DNAJC2: variants seen among roughly 807,000 people sequenced by gnomAD.
DNAJC2 encodes DnaJ heat shock protein family (Hsp40) member C2, also known as dnaJ homolog subfamily C member 2.
A neutral mutation model predicts 94.0 loss-of-function variants in DNAJC2; 32 were observed. That is an observed-to-expected ratio of 0.34 (90% confidence interval 0.26 to 0.46). DNAJC2 has a LOEUF of 0.46. DNAJC2 is among the 20% of genes least tolerant of loss of function. DNAJC2 has a pLI of 1.00. For synonymous variants in DNAJC2, 210 were observed against 229.7 expected (o/e 0.91, Z 0.77); for missense variants, 550 against 719.5 (o/e 0.76, Z 2.69).
At chr7:103,331,411 T>C (rs1262131738) in intron 3 of DNAJC2, among the ~76,000 whole-genome samples, 1 of 152,228 alleles carries the variant, frequency 6.6e-6, no homozygotes, top group Non-Finnish European at 1.5e-5. Context: ...AATACATCAT[T>C]GTTAACTATC....
At chr7:103,335,498 A>G (rs1269072348) in intron 3 of DNAJC2, 1 of 152,006 alleles carries the variant, frequency 6.6e-6, no homozygotes, top group African/African-American at 2.4e-5. Context: ...TGGCTAGAGA[A>G]TACATATTCA....
At chr7:103,314,044 C>G (rs1817908255) in intron 15 of DNAJC2, 1 of 985,176 alleles carries the variant, frequency 1.0e-6, no homozygotes, top group Non-Finnish European at 1.2e-6. Flanking sequence ...CAAAACAAAA[C>G]AAAACCACCA....
chr7:103,337,533 G>C lies in DNAJC2; in HGVS notation c.331+203C>G, dbSNP rs546195315. On this transcript the variant is annotated intron_variant, in intron 3 of 16. Transcript: ENST00000379263. ...CATCCTAATTTCTTATCCCTAATGG[G>C]AAAGTCTATATGTAAAATGGATTGC... 56 of 499,272 alleles carry C rather than the reference G, an allele frequency of 1.1e-4. 1 individual carries two copies. The South Asian group carries it at 1.6e-3, about 14-fold the overall frequency. The allele number at this position is 499,272 out of a possible 1,614,324, so 30.9% of individuals were successfully genotyped here. A position where few individuals can be genotyped will look rare whatever the true frequency, so the allele number is the denominator to read the frequency against.
At position 103,313,622 on chromosome 7, in the gene DNAJC2, G is replaced by C; in HGVS notation, c.1637-521C>G. On this transcript the variant is annotated intron_variant, in intron 15 of 16. Transcript: ENST00000379263. Reference sequence around the variant, plus strand: ...GTGCCCAAGGTACCAGTGCTGGAGAGGCAAGCTGAGATTAGATTGTGTTGT... The same window carrying C: ...GTGCCCAAGGTACCAGTGCTGGAGACGCAAGCTGAGATTAGATTGTGTTGT... 4 of 985,260 alleles carry C rather than the reference G, an allele frequency of 4.1e-6. No homozygotes were observed. The African/African-American group carries it at 7.0e-5, about 17-fold the overall frequency. The allele number at this position is 985,260 out of a possible 1,614,324, so 61.0% of individuals were successfully genotyped here.
chr7:103,337,606 A>G, intron 3 of DNAJC2, 130 bp downstream of exon 3: 1 of 718,374 alleles, frequency 1.4e-6, no homozygotes, highest in African/African-American at 1.8e-5. Flanking sequence ...TTTGCTTGTT[A>G]TGACAATATA....
At chr7:103,319,532 T>C in intron 12 of DNAJC2, 77 bp downstream of exon 12, 1 of 1,333,096 alleles carries the variant, frequency 7.5e-7, no homozygotes, top group Non-Finnish European at 1.1e-6. Context: ...CTTGGTGACT[T>C]ATATATTAGG....
At chr7:103,317,319 C>T (rs1342386263) in intron 12 of DNAJC2, 1 of 292,632 alleles carries the variant, frequency 3.4e-6, no homozygotes, top group Non-Finnish European at 6.3e-6. Context: ...TATTCATCCA[C>T]AAGGCCATTT....
At chr7:103,312,896 C>G (rs777662492) in intron 16 of DNAJC2, 51 bp downstream of exon 16, 46 of 1,576,482 alleles carry the variant, frequency 2.9e-5, no homozygotes, top group Non-Finnish European at 3.5e-5. Context: ...AGCTATATCA[C>G]CCAAGCTACA....
rs555492858 is a variant in DNAJC2 at position 103,329,978 on chromosome 7, C to A, written c.332-2224G>T. On this transcript the variant is annotated intron_variant, in intron 3 of 16. Transcript: ENST00000379263. ...AGCATAAAAAATAAAAAGCAGGCTG[C>A]TTCACCCCTGGATTTTAGGTAATAG... Among the ~76,000 whole-genome samples, 5 of 152,278 alleles carry A rather than the reference C, an allele frequency of 3.3e-5. No homozygotes were observed. The East Asian group carries it at 9.6e-4, about 29-fold the overall frequency.
At chr7:103,320,792 CT>C (rs1554566736) in intron 10 of DNAJC2, 1 of 161,992 alleles carries the variant, frequency 6.2e-6, no homozygotes, top group Admixed American at 6.7e-5. Context: ...TATTCTGAAA[CT>C]GTGTCTATAT....
chr7:103,322,396 A>G, intron 9 of DNAJC2, 115 bp downstream of exon 9: 1 of 1,089,974 alleles, frequency 9.2e-7, no homozygotes, highest in Admixed American at 2.9e-5. Context: ...TCACAGTAGC[A>G]CCCAATTCTC....
At chr7:103,318,742 C>T (rs914900710) in intron 12 of DNAJC2, among the ~76,000 whole-genome samples, 8 of 152,102 alleles carry the variant, frequency 5.3e-5, no homozygotes, top group African/African-American at 1.9e-4. Flanking sequence ...ACAAAGATCT[C>T]TTTTGGTTCT....
intron 2 of DNAJC2, among the ~76,000 whole-genome samples, chr7:103,340,991 G>A (rs1331611656): frequency 1.3e-5 from 2 of 152,160 alleles, no homozygotes; most frequent in Non-Finnish European, 2.9e-5. Context: ...GGTCACTCAA[G>A]CGCTAATGCT....
At chr7:103,334,116 G>A (rs1819076014) in intron 3 of DNAJC2, among the ~76,000 whole-genome samples, 1 of 151,976 alleles carries the variant, frequency 6.6e-6, no homozygotes. Context: ...ACGCCCAGCT[G>A]ATATTTTTGT....
At chr7:103,316,129 G>C in intron 13 of DNAJC2, 41 bp from the exon 14 acceptor site, 1 of 1,324,208 alleles carries the variant, frequency 7.6e-7, no homozygotes, top group Non-Finnish European at 1.0e-6. Context: ...TAGTAGTAAG[G>C]AAAAACAAAA....
intron 6 of DNAJC2, 22 bp from the exon 7 acceptor site, chr7:103,323,685 C>T: frequency 6.5e-6 from 9 of 1,375,268 alleles, no homozygotes; most frequent in Non-Finnish European, 8.8e-6. Context: ...AGAAATAATA[C>T]ATGATCAAGA....
rs1009513772 is a variant in DNAJC2 at position 103,327,596 on chromosome 7, C to T, written c.430+60G>A. On this transcript the variant is annotated intron_variant, in intron 4 of 16. Transcript: ENST00000379263. Reference sequence around the variant, plus strand: ...TACAGTATGCATAAGAAACCCAATCCCAGCAATTAATAAATAACAATTACT... The same window carrying T: ...TACAGTATGCATAAGAAACCCAATCTCAGCAATTAATAAATAACAATTACT... The T allele has an allele frequency of 8.8e-6, 10 of 1,139,700 alleles. No individual in the cohort carries two copies. In the African/African-American group the frequency reaches 1.2e-4, roughly 14 times the overall value. 70.6% of individuals were successfully genotyped at this position (1,139,700 alleles called of 1,614,324 possible).
intron 16 of DNAJC2, 71 bp downstream of exon 16, chr7:103,312,876 A>G (rs1817831457): frequency 6.4e-7 from 1 of 1,555,470 alleles, no homozygotes; most frequent in Non-Finnish European, 8.6e-7. Flanking sequence ...CTTAATAGAC[A>G]TAAAATATGA....
chr7:103,312,869 A>T lies in DNAJC2; in HGVS notation c.1791+78T>A. 3 of 1,550,600 alleles carry T rather than the reference A, an allele frequency of 1.9e-6. No individual in the cohort carries two copies. In the Admixed American group the frequency reaches 6.3e-5, roughly 32 times the overall value. ...ATAAGCACTATATTATTAACCACTT[A>T]ATAGACATAAAATATGAGCTATATC... On this transcript the variant is annotated intron_variant, in intron 16 of 16. Transcript: ENST00000379263.
Sources: gnomAD v4.1 joint callset for allele counts (sites outside exome capture counted in the v4.1 genomes callset) on GRCh38, gnomAD v4.1.1 for gene constraint, MANE v1.5 for transcripts, NCBI Gene and HGNC (gene_info 2026-07-23, HGNC 2026-07-21) for gene names.